The following SMAD2 variants were observed in gnomAD, a reference collection of about 807,000 sequenced individuals.
The protein encoded by SMAD2 is SMAD family member 2, also known as MAD homolog 2.
SMAD2 carries 8 observed loss-of-function variants against 64.4 expected under a neutral mutation model. That is an observed-to-expected ratio of 0.12 (90% CI 0.07 to 0.22). The LOEUF (loss-of-function observed/expected upper bound fraction) is 0.22. Among genes scored for constraint, SMAD2 ranks in the 10% least tolerant of loss-of-function variants. The pLI, the probability that SMAD2 is intolerant of heterozygous loss-of-function variation, is 1.00. For synonymous variants in SMAD2, 203 were observed against 195.8 expected (o/e 1.04, Z -0.31); for missense variants, 289 against 561.2 (o/e 0.51, Z 4.90).
intron 1 of SMAD2, among the ~76,000 whole-genome samples, chr18:47,915,850 T>C (rs2034312599): frequency 6.6e-6 from 1 of 152,216 alleles, no homozygotes; most frequent in African/African-American, 2.4e-5. Flanking sequence ...CTGACTTCTA[T>C]TACTATTAAT....
chr18:47,859,457 A>C (rs1163970024), intron 6 of SMAD2, among the ~76,000 whole-genome samples: 2 of 152,186 alleles, frequency 1.3e-5, no homozygotes, highest in African/African-American at 4.8e-5. Context: ...CCAAGGACTA[A>C]AGTCACACAC....
rs1485046233 is a variant in SMAD2, at chr18:47,810,505, T to C, written c.*31322A>G. On this transcript the variant is annotated 3_prime_UTR_variant, in exon 11 of 11. Coordinates refer to ENST00000262160, the MANE Select transcript of SMAD2 (RefSeq NM_005901.6). ...CACCTGATTCCACACTGCCTTATAA[T>C]TGGCATTAGTGGCACCTGTGACAGC... The C allele has an allele frequency of 6.6e-6, 1 of 152,170 alleles. No individual in the cohort carries two copies. Among genetic ancestry groups the C allele is most frequent in the African/African-American group, 2.4e-5 (1 of 41,434 alleles). The allele number at this position is 152,170 out of a possible 1,614,324, so 9.4% of individuals were successfully genotyped here.
intron 1 of SMAD2, among the ~76,000 whole-genome samples, chr18:47,924,489 T>G (rs2034686180): frequency 6.7e-6 from 1 of 149,680 alleles, no homozygotes; most frequent in Non-Finnish European, 1.5e-5. Flanking sequence ...TGAGACGGAG[T>G]CTTGCTCTGT....
At position 47,839,979 on chromosome 18, in the gene SMAD2, T is replaced by C. The variant is rs1246442645; in HGVS notation, c.*1848A>G. 6 of 233,080 alleles carry C rather than the reference T, an allele frequency of 2.6e-5. No individual in the cohort carries two copies. Among genetic ancestry groups the C allele is most frequent in the Admixed American group, 2.2e-4 (4 of 17,780 alleles). The allele number at this position is 233,080 out of a possible 1,614,324, so 14.4% of individuals were successfully genotyped here. A position where few individuals can be genotyped will look rare whatever the true frequency, so the allele number is the denominator to read the frequency against. ...GACAAGTAAGATAATTAAGGGTTAG[T>C]GTAACTGCTGTCTCAGCAAAGGCAG... On this transcript the variant is annotated 3_prime_UTR_variant, in exon 11 of 11. Transcript: ENST00000262160.
Position 47,818,776 on chromosome 18 carries a change from T to A in SMAD2, c.*23051A>T, listed in dbSNP as rs911544997. 9.2e-5 allele frequency: 14 copies of A among 152,214 alleles called. No homozygotes were observed. The highest frequency in any genetic ancestry group is 1.8e-4 in the Non-Finnish European group (12 of 68,036). 9.4% of individuals were successfully genotyped at this position (152,214 alleles called of 1,614,324 possible). On this transcript the variant is annotated 3_prime_UTR_variant, in exon 11 of 11. Coordinates refer to ENST00000262160, the MANE Select transcript of SMAD2 (RefSeq NM_005901.6). ...TGGGGAGGTGGGGTAAGAGGTTTTT[T>A]AAAAATCCAAACTGCTATTTACCAA...
At chr18:47,930,673 C>T (rs942485121), upstream of SMAD2, 4 of 149,514 alleles carry the variant, frequency 2.7e-5, no homozygotes, top group African/African-American at 9.7e-5. Flanking sequence ...CGCGCTGCCC[C>T]TCCTCCCCTC....
In SMAD2 at chr18:47,905,827, T is replaced by C. The variant is rs1017568938; in HGVS notation, c.-53-9018A>G. Among the ~76,000 whole-genome samples, 12 of 152,244 alleles carry C rather than the reference T, an allele frequency of 7.9e-5. No individual in the cohort carries two copies. The East Asian group carries it at 1.9e-3, about 24-fold the overall frequency. ...AGCATTAACCACAAGAGAAATACAG[T>C]TGAGCCACGCATGGTGGCTCACACC... is the stretch of plus-strand genomic sequence containing the variant. On this transcript the variant is annotated intron_variant, in intron 1 of 10. Transcript: ENST00000262160.
rs554394275 is a variant in SMAD2, at chr18:47,914,397, C to T, written c.-54+15964G>A. On this transcript the variant is annotated intron_variant, in intron 1 of 10. Coordinates refer to ENST00000262160, the MANE Select transcript of SMAD2 (RefSeq NM_005901.6). ...CTAAGAGTCCAGTAAGCAAGAATTC[C>T]GAATCCTAAGAACCAACTGGGGTTA... Among the ~76,000 whole-genome samples the T allele has an allele frequency of 7.9e-5, 12 of 152,168 alleles. 1 individual carries two copies. The South Asian group carries it at 2.5e-3, about 32-fold the overall frequency.
In SMAD2 at chr18:47,823,386, C is replaced by G. The variant is rs1351073796; in HGVS notation, c.*18441G>C. The G allele has an allele frequency of 1.3e-5, 2 of 152,096 alleles. No individual in the cohort carries two copies. The highest frequency in any genetic ancestry group is 4.8e-5 in the African/African-American group (2 of 41,394). The allele number at this position is 152,096 out of a possible 1,614,324, so 9.4% of individuals were successfully genotyped here. On this transcript the variant is annotated 3_prime_UTR_variant, in exon 11 of 11. Transcript: ENST00000262160. ...GGTAACTTTAAGTTTCTGAAGAAAGCTATATGTACCTGTTATTAGATCACA... is the reference window on the plus strand; with the variant it reads ...GGTAACTTTAAGTTTCTGAAGAAAGGTATATGTACCTGTTATTAGATCACA...
At chr18:47,888,793 T>C (rs1038566515) in intron 2 of SMAD2, among the ~76,000 whole-genome samples, 13 of 152,144 alleles carry the variant, frequency 8.5e-5, no homozygotes, top group African/African-American at 3.1e-4. Context: ...CAATAAAAGC[T>C]GTATGACATG....
At chr18:47,907,473 T>C (rs932103614) in intron 1 of SMAD2, among the ~76,000 whole-genome samples, 1 of 152,322 alleles carries the variant, frequency 6.6e-6, no homozygotes, top group East Asian at 1.9e-4. Flanking sequence ...CAAGTCAAGA[T>C]GACCATCTCA....
At chr18:47,844,980 G>C (rs1310803986) in intron 10 of SMAD2, 2 of 462,190 alleles carry the variant, frequency 4.3e-6, no homozygotes, top group African/African-American at 4.0e-5. Flanking sequence ...TATGACTATT[G>C]AAATCCAATG....
chr18:47,900,831 CTTATT>C (rs1185479964), intron 1 of SMAD2, among the ~76,000 whole-genome samples: 2 of 152,104 alleles, frequency 1.3e-5, no homozygotes, highest in African/African-American at 4.8e-5. Flanking sequence ...ATCATAAATT[CTTATT>C]TTAAGTCATA....
chr18:47,846,216 A>G (rs892139936), intron 8 of SMAD2, among the ~76,000 whole-genome samples: 1 of 152,202 alleles, frequency 6.6e-6, no homozygotes, highest in South Asian at 2.1e-4. Context: ...AAAAACATCA[A>G]AAAGTCATTT....
intron 1 of SMAD2, among the ~76,000 whole-genome samples, chr18:47,924,935 T>A (rs576637102): frequency 6.6e-6 from 1 of 152,360 alleles, no homozygotes; most frequent in South Asian, 2.1e-4. Flanking sequence ...AGATTCACTA[T>A]GCTACTTCCT....
At position 47,836,508 on chromosome 18, in the gene SMAD2, A is replaced by G. The variant is rs1282308484; in HGVS notation, c.*5319T>C. On this transcript the variant is annotated 3_prime_UTR_variant, in exon 11 of 11. Coordinates refer to ENST00000262160, the MANE Select transcript of SMAD2 (RefSeq NM_005901.6). ...CTGTCCATGAAAGGAAAATGTACAC[A>G]GACAAATTAAGAACATTTTACCAGG... is the stretch of plus-strand genomic sequence containing the variant. 4.6e-6 allele frequency: 1 copy of G among 218,692 alleles called. No individual in the cohort carries two copies. Among genetic ancestry groups the G allele is most frequent in the African/African-American group, 2.2e-5 (1 of 44,528 alleles). The allele number at this position is 218,692 out of a possible 1,614,324, so 13.5% of individuals were successfully genotyped here.
intron 1 of SMAD2, among the ~76,000 whole-genome samples, chr18:47,901,675 C>T (rs931530885): frequency 3.3e-5 from 5 of 152,112 alleles, no homozygotes; most frequent in African/African-American, 9.7e-5. Context: ...TCTATAATGC[C>T]AGAATCATAG....
intron 2 of SMAD2, among the ~76,000 whole-genome samples, chr18:47,880,277 T>G (rs1052803899): frequency 2.6e-5 from 4 of 152,236 alleles, no homozygotes; most frequent in Non-Finnish European, 4.4e-5. Context: ...AGTTTTAGCT[T>G]TAATTAGACT....
At chr18:47,924,248 CAAAAAAAA>C (rs201933597) in intron 1 of SMAD2, among the ~76,000 whole-genome samples, 3 of 99,758 alleles carry the variant, frequency 3.0e-5, no homozygotes, top group African/African-American at 1.2e-4. Context: ...AACTCCGTCT[CAAAAAAAA>C]AAAAAAAAAG....
Sources: gnomAD v4.1 joint callset for allele counts (sites outside exome capture counted in the v4.1 genomes callset) on GRCh38, gnomAD v4.1.1 for gene constraint, MANE v1.5 for transcripts, NCBI Gene and HGNC (gene_info 2026-07-23, HGNC 2026-07-21) for gene names.